FXR1: variants seen among roughly 807,000 people sequenced by gnomAD.
FXR1 encodes the protein FMR1 autosomal homolog 1, also known as RNA-binding protein FXR1.
Under a neutral mutation model 84.0 loss-of-function variants are expected in FXR1, and 15 were observed. That is an observed-to-expected ratio of 0.18 (90% confidence interval 0.12 to 0.27). The LOEUF (loss-of-function observed/expected upper bound fraction) is 0.27, where lower values mean the gene tolerates loss of function less well. FXR1 is among the 10% of genes least tolerant of loss of function. The probability of loss-of-function intolerance (pLI) is 1.00; values close to 1 mark genes in which losing one functional copy is unlikely to be tolerated. For synonymous variants in FXR1, 245 were observed against 250.7 expected, an observed-to-expected ratio of 0.98 and a Z score of 0.21; for missense variants, 480 against 774.4, an observed-to-expected ratio of 0.62 and a Z score of 4.51.
chr3:180,949,776 AC>A (rs1189169946), intron 7 of FXR1, among the ~76,000 whole-genome samples: 2 of 152,198 alleles, frequency 1.3e-5, no homozygotes, highest in Non-Finnish European at 2.9e-5. Context: ...TGTCCGTAGA[AC>A]AATTGCTTTT....
At chr3:180,953,082 A>G (rs551933247) in intron 8 of FXR1, among the ~76,000 whole-genome samples, 3 of 152,174 alleles carry the variant, frequency 2.0e-5, no homozygotes, top group South Asian at 4.1e-4. Flanking sequence ...GCCTTAAACG[A>G]TCCTCCTATA....
intron 3 of FXR1, among the ~76,000 whole-genome samples, chr3:180,937,861 A>G (rs920589608): frequency 6.6e-6 from 1 of 152,148 alleles, no homozygotes; most frequent in Admixed American, 6.5e-5. Context: ...TACAAAGTAA[A>G]CCTTCCATCT....
intron 1 of FXR1, among the ~76,000 whole-genome samples, chr3:180,913,305 T>C (rs1235973499): frequency 6.6e-6 from 1 of 152,170 alleles, no homozygotes; most frequent in Non-Finnish European, 1.5e-5. Flanking sequence ...TAGGATCAAA[T>C]ACAGAAAAGC....
Position 180,977,672 on chromosome 3 carries a change from CTTTG to C in FXR1, c.*1383_*1386del, listed in dbSNP as rs1714364268. On this transcript the variant is annotated 3_prime_UTR_variant, in exon 17 of 17. Coordinates refer to ENST00000357559, the MANE Select transcript of FXR1 (RefSeq NM_005087.4). ...AGTAATTGTTAGACATAGGGGAAGG[CTTTG>C]TTCCACAATATTATATGGACCACTG... is the stretch of plus-strand genomic sequence containing the variant. The C allele has an allele frequency of 6.6e-6, 1 of 152,088 alleles. No homozygotes were observed. The allele number at this position is 152,088 out of a possible 1,614,324, so 9.4% of individuals were successfully genotyped here. A position where few individuals can be genotyped will look rare whatever the true frequency, so the allele number is the denominator to read the frequency against.
chr3:180,969,602 T>C (rs1244635146), intron 14 of FXR1, among the ~76,000 whole-genome samples: 1 of 152,228 alleles, frequency 6.6e-6, no homozygotes, highest in African/African-American at 2.4e-5. Flanking sequence ...TTTAATTGGC[T>C]GCTTTGTTTC....
chr3:180,932,090 A>AAAAAAAAAAC (rs1553842548), intron 1 of FXR1, among the ~76,000 whole-genome samples: 23 of 149,978 alleles, frequency 1.5e-4, no homozygotes, highest in Non-Finnish European at 3.3e-4. Context: ...AAAAAAAAAA[A>AAAAAAAAAAC]CAACTTTTTT....
At chr3:180,915,881 T>C (rs1004263107) in intron 1 of FXR1, among the ~76,000 whole-genome samples, 1 of 152,234 alleles carries the variant, frequency 6.6e-6, no homozygotes, top group Admixed American at 6.5e-5. Flanking sequence ...TAAAAAATAG[T>C]ATGTACACAA....
intron 8 of FXR1, among the ~76,000 whole-genome samples, chr3:180,952,674 G>C (rs1478771578): frequency 6.6e-6 from 1 of 152,012 alleles, no homozygotes; most frequent in East Asian, 1.9e-4. Context: ...ACTTGTATAA[G>C]TGTTCTCATT....
chr3:180,956,163 T>C (rs748002711), intron 9 of FXR1, among the ~76,000 whole-genome samples: 1 of 152,124 alleles, frequency 6.6e-6, no homozygotes. Flanking sequence ...CACATTCGGG[T>C]TCTGAGAGTT....
chr3:180,942,377 CAAAAAAAAAAAA>C (rs765066164), intron 3 of FXR1, among the ~76,000 whole-genome samples: 10 of 31,126 alleles, frequency 3.2e-4, no homozygotes, highest in Middle Eastern at 0.024. Flanking sequence ...GACTCCGTCT[CAAAAAAAAAAAA>C]AAAAAAAAAA....
chr3:180,977,442 T>C lies in FXR1; in HGVS notation c.*1150T>C, dbSNP rs999020293. On this transcript the variant is annotated 3_prime_UTR_variant, in exon 17 of 17. Transcript: ENST00000357559. ...GGCAACTTTGGAAGACAATGGGGGA[T>C]AGAAGGGATGACAAGCAATTTTTAA... 68 of 152,028 alleles carry C rather than the reference T, an allele frequency of 4.5e-4. 1 individual carries two copies. Among genetic ancestry groups the C allele is most frequent in the Non-Finnish European group, 2.1e-4 (14 of 67,966 alleles). The allele number at this position is 152,028 out of a possible 1,614,324, so 9.4% of individuals were successfully genotyped here. A position where few individuals can be genotyped will look rare whatever the true frequency, so the allele number is the denominator to read the frequency against.
chr3:180,958,047 T>C (rs1711557601), intron 10 of FXR1, 119 bp downstream of exon 10: 3 of 457,750 alleles, frequency 6.6e-6, no homozygotes, highest in Non-Finnish European at 1.2e-5. Flanking sequence ...TTTAAAATTA[T>C]GTTTTTATAA....
intron 3 of FXR1, among the ~76,000 whole-genome samples, chr3:180,941,968 T>G (rs1380409259): frequency 6.6e-6 from 1 of 152,220 alleles, no homozygotes; most frequent in Non-Finnish European, 1.5e-5. Context: ...ATTGATTATT[T>G]AGTTTAATAG....
intron 1 of FXR1, among the ~76,000 whole-genome samples, chr3:180,932,437 C>G (rs1158364873): frequency 6.6e-6 from 1 of 152,110 alleles, no homozygotes; most frequent in Non-Finnish European, 1.5e-5. Context: ...TATATAAGTG[C>G]CAAGGACTGC....
chr3:180,961,840 C>A (rs1712160938), intron 11 of FXR1, among the ~76,000 whole-genome samples: 1 of 152,124 alleles, frequency 6.6e-6, no homozygotes, highest in African/African-American at 2.4e-5. Context: ...ATTCCTTTGT[C>A]TTCATGCAAT....
intron 2 of FXR1, 26 bp downstream of exon 2, chr3:180,933,412 C>T: frequency 1.4e-6 from 2 of 1,403,746 alleles, no homozygotes; most frequent in Non-Finnish European, 2.0e-6. Context: ...TGACAAAGGC[C>T]TTAATTTTAG....
intron 15 of FXR1, chr3:180,971,115 C>T: frequency 1.6e-6 from 2 of 1,278,222 alleles, no homozygotes; most frequent in Non-Finnish European, 2.0e-6. Context: ...ATCGTAGCCG[C>T]AGGCGTCGCT....
intron 1 of FXR1, among the ~76,000 whole-genome samples, chr3:180,913,065 G>T (rs1717422078): frequency 6.6e-6 from 1 of 152,152 alleles, no homozygotes; most frequent in Admixed American, 6.5e-5. Flanking sequence ...GCAGGCCCGA[G>T]CTCTGGGAGG....
chr3:180,972,813 T>C (rs1713756248), intron 15 of FXR1, among the ~76,000 whole-genome samples: 1 of 152,198 alleles, frequency 6.6e-6, no homozygotes, highest in South Asian at 2.1e-4. Flanking sequence ...TCACATTCCC[T>C]AGCTTGCCCC....
Sources: gnomAD v4.1 joint callset for allele counts (sites outside exome capture counted in the v4.1 genomes callset) on GRCh38, gnomAD v4.1.1 for gene constraint, MANE v1.5 for transcripts, NCBI Gene and HGNC (gene_info 2026-07-23, HGNC 2026-07-21) for gene names.